Variants in TIAM2 observed in about 807,000 individuals in gnomAD.
The protein encoded by TIAM2 is TIAM Rac1 associated GEF 2, also known as rho guanine nucleotide exchange factor TIAM2.
In TIAM2, 80 loss-of-function variants were observed where a neutral mutation model predicts 152.9. The ratio of observed to expected loss-of-function variants is 0.52; its 90% confidence interval spans 0.44 to 0.63. The LOEUF is 0.63. TIAM2 is among the 30% of genes least tolerant of loss of function. The pLI is 0.00. For synonymous variants in TIAM2, 804 were observed against 838.0 expected, an observed-to-expected ratio of 0.96 and a Z score of 0.70; for missense variants, 1,965 against 2,120.1, an observed-to-expected ratio of 0.93 and a Z score of 1.44.
At chr6:155,207,837 C>G (rs556826324) in intron 14 of TIAM2, among the ~76,000 whole-genome samples, 9 of 152,292 alleles carry the variant, frequency 5.9e-5, no homozygotes, top group African/African-American at 2.2e-4. Context: ...GAATGAGTAC[C>G]TCCTTGTCTC....
chr6:155,004,330 T>C (rs577749837), intron 1 of TIAM2, among the ~76,000 whole-genome samples: 6 of 152,188 alleles, frequency 3.9e-5, no homozygotes, highest in Non-Finnish European at 7.3e-5. Context: ...TCAAGGCCCA[T>C]ACTCTGTATG....
Position 155,213,237 on chromosome 6 carries a change from A to C in TIAM2, c.3168+1930A>C, listed in dbSNP as rs1433489445. Among the ~76,000 whole-genome samples, 1 of 152,178 alleles carries C rather than the reference A, an allele frequency of 6.6e-6. No individual in the cohort carries two copies. Among genetic ancestry groups the C allele is most frequent in the Non-Finnish European group, 1.5e-5 (1 of 68,034 alleles). ...GAGGTATGCGGGCAAGGGGAGGGTG[A>C]GCAAGGTGAAGAGGAGCTTTATTGA... On this transcript the variant is annotated intron_variant, in intron 15 of 26. Coordinates refer to ENST00000682666, the MANE Select transcript of TIAM2 (RefSeq NM_012454.4). This position sits in a 1 kb window ranked among gnomAD's most constrained non-coding sequence, Gnocchi z 4.2.
intron 1 of TIAM2, among the ~76,000 whole-genome samples, chr6:155,046,331 C>CTTTT (rs1164422319): frequency 8.0e-4 from 65 of 80,814 alleles, no homozygotes; most frequent in Non-Finnish European, 9.8e-4. Context: ...TTGGCTCTGT[C>CTTTT]TTTTTTTTTT....
In TIAM2 at chr6:155,248,131, C is replaced by CTGG; in HGVS notation, c.3787_3789dup (p.Val1263dup). The stretch of plus-strand genomic sequence containing the variant: ...CAAGTACCCGCTGCTGCTCAAGGAG[C>CTGG]TGGTGTCCCTGACGGACCAGGAGAG... On this transcript the variant is annotated inframe_insertion, in exon 20 of 27. Coordinates refer to ENST00000682666, the MANE Select transcript of TIAM2 (RefSeq NM_012454.4). 6.2e-7 allele frequency: 1 copy of CTGG among 1,614,162 alleles called. No individual in the cohort carries two copies. Among genetic ancestry groups the CTGG allele is most frequent in the Non-Finnish European group, 8.5e-7 (1 of 1,180,042 alleles).
Position 155,013,055 on chromosome 6 carries a change from C to T in TIAM2, c.-209+17563C>T, listed in dbSNP as rs529404085. Among the ~76,000 whole-genome samples the T allele has an allele frequency of 1.6e-4, 25 of 152,172 alleles. 1 individual carries two copies. In the Middle Eastern group the frequency reaches 0.027, roughly 166 times the overall value. ...TGGCCATTATGCTCGGGCTTCTGAG[C>T]GTCCTCTCACTTCTTCTCCTGCTCC... On this transcript the variant is annotated intron_variant, in intron 1 of 26. Transcript: ENST00000682666.
At chr6:155,202,922 A>G (rs1583247015) in intron 14 of TIAM2, among the ~76,000 whole-genome samples, 1 of 150,976 alleles carries the variant, frequency 6.6e-6, no homozygotes. Context: ...ATGTGGTGGC[A>G]TGCACCCATA....
chr6:155,000,263 G>A (rs1192485903), intron 1 of TIAM2, among the ~76,000 whole-genome samples: 2 of 151,804 alleles, frequency 1.3e-5, no homozygotes, highest in African/African-American at 4.9e-5. Flanking sequence ...GGCTGGGTGC[G>A]GTGGCTCACG....
intron 2 of TIAM2, among the ~76,000 whole-genome samples, chr6:155,102,453 A>G (rs1178588018): frequency 6.6e-6 from 1 of 152,214 alleles, no homozygotes; most frequent in Non-Finnish European, 1.5e-5. Flanking sequence ...ATGAATTGCT[A>G]GCCCAGATCT....
At chr6:155,088,749 A>G (rs917238490) in intron 1 of TIAM2, among the ~76,000 whole-genome samples, 2 of 152,218 alleles carry the variant, frequency 1.3e-5, no homozygotes, top group Non-Finnish European at 2.9e-5. Flanking sequence ...GATGGCTTTG[A>G]ATGCAGCCCA....
At chr6:155,019,031 C>T (rs892825687) in intron 1 of TIAM2, among the ~76,000 whole-genome samples, 1 of 149,062 alleles carries the variant, frequency 6.7e-6, no homozygotes, top group Non-Finnish European at 1.5e-5. Flanking sequence ...CAGAGTGAGA[C>T]TCCATCTAAA....
intron 2 of TIAM2, among the ~76,000 whole-genome samples, chr6:155,114,928 C>T (rs1300512765): frequency 3.3e-5 from 5 of 151,970 alleles, no homozygotes; most frequent in Admixed American, 6.6e-5. Flanking sequence ...TCCAGGTTCA[C>T]GCAATTCTCC....
chr6:155,000,140 T>A (rs1778289080), intron 1 of TIAM2, among the ~76,000 whole-genome samples: 1 of 152,214 alleles, frequency 6.6e-6, no homozygotes, highest in African/African-American at 2.4e-5. Context: ...CCTCTGAATT[T>A]AAAAAAAGTA....
intron 1 of TIAM2, among the ~76,000 whole-genome samples, chr6:155,032,133 G>A (rs1262438532): frequency 6.6e-6 from 1 of 152,090 alleles, no homozygotes; most frequent in African/African-American, 2.4e-5. Context: ...AGGAAATTAT[G>A]TTCAGATTGA....
At chr6:155,131,563 C>T (rs1779445157) in intron 4 of TIAM2, among the ~76,000 whole-genome samples, 1 of 151,442 alleles carries the variant, frequency 6.6e-6, no homozygotes, top group Admixed American at 6.6e-5. Context: ...GATGATATAT[C>T]TACATGTGTA....
chr6:155,160,519 T>G (rs1327533413), intron 7 of TIAM2, among the ~76,000 whole-genome samples: 1 of 152,198 alleles, frequency 6.6e-6, no homozygotes, highest in Non-Finnish European at 1.5e-5. Flanking sequence ...AGTTGGTACA[T>G]AATATTAACC....
intron 7 of TIAM2, among the ~76,000 whole-genome samples, chr6:155,155,765 G>A (rs1162196153): frequency 2.0e-5 from 3 of 152,236 alleles, no homozygotes; most frequent in East Asian, 1.9e-4. Context: ...ATGAGCCACC[G>A]CTCCCAGCCT....
chr6:155,236,108 C>A (rs573720243), intron 15 of TIAM2, among the ~76,000 whole-genome samples: 1 of 151,952 alleles, frequency 6.6e-6, no homozygotes, highest in South Asian at 2.1e-4. Context: ...TCTTGGAGTC[C>A]GAGTATTATC....
chr6:155,037,384 A>T (rs896883347), intron 1 of TIAM2, among the ~76,000 whole-genome samples: 3 of 150,224 alleles, frequency 2.0e-5, no homozygotes, highest in Non-Finnish European at 4.4e-5. Context: ...GTTTTGAATG[A>T]TTAAGGCTTT....
chr6:155,099,220 A>G (rs929313053), intron 2 of TIAM2, among the ~76,000 whole-genome samples: 11 of 148,186 alleles, frequency 7.4e-5, no homozygotes, highest in African/African-American at 2.5e-4. Context: ...GTATATATAT[A>G]TGTGTGTGTG....
Sources: allele counts gnomAD v4.1 joint callset (sites outside exome capture counted in the v4.1 genomes callset), GRCh38; gene constraint gnomAD v4.1.1; non-coding constraint Gnocchi (gnomAD v3.1); transcripts MANE v1.5; gene names NCBI Gene and HGNC (gene_info 2026-07-23, HGNC 2026-07-21).